Variants in PEX10 observed in about 807,000 individuals in gnomAD.
The protein encoded by PEX10 is peroxisome biogenesis factor 10.
A neutral mutation model predicts 38.0 loss-of-function variants in PEX10; 32 were observed. The observed-to-expected ratio is 0.84, with a 90% CI of 0.63 to 1.13. The LOEUF is 1.13. PEX10 is among the 50% of genes most tolerant of loss of function. The pLI, the probability that PEX10 is intolerant of heterozygous loss-of-function variation, is 0.00. For missense variants in PEX10, 483 were observed against 457.7 expected (o/e 1.06, Z -0.51); for synonymous variants, 206 against 207.3 (o/e 0.99, Z 0.05).
At chr1:2,412,290 G>C (rs976752719) in intron 1 of PEX10, 101 bp downstream of exon 1, 4 of 1,254,082 alleles carry the variant, frequency 3.2e-6, no homozygotes, top group Middle Eastern at 6.3e-4. Flanking sequence ...TGTGGGACGG[G>C]CCCAGGCGAC....
chr1:2,405,848 A>C lies in PEX10; in HGVS notation c.913-14T>G. On this transcript the variant is annotated splice_polypyrimidine_tract_variant and intron_variant, in intron 5 of 5. Coordinates refer to ENST00000447513, the MANE Select transcript of PEX10 (RefSeq NM_002617.4). Reference sequence around the variant, plus strand: ...GGGACACTCCGCCTGCGGAGAGGAGAAAGGGGGTCACAGCAGCTGGGGCCA... The same window carrying C: ...GGGACACTCCGCCTGCGGAGAGGAGCAAGGGGGTCACAGCAGCTGGGGCCA... 2 of 1,580,578 alleles carry C rather than the reference A, an allele frequency of 1.3e-6. No homozygotes were observed. Among genetic ancestry groups the C allele is most frequent in the African/African-American group, 2.7e-5 (2 of 74,240 alleles).
At chr1:2,408,287 C>T (rs1160872043) in intron 3 of PEX10, among the ~76,000 whole-genome samples, 165 bp downstream of exon 3, 1 of 152,182 alleles carries the variant, frequency 6.6e-6, no homozygotes, top group Non-Finnish European at 1.5e-5. Flanking sequence ...ACAAAATCTG[C>T]TTTTTTTCCA....
chr1:2,408,817 C>T lies in PEX10; in HGVS notation c.235G>A (p.Val79Met), dbSNP rs1411024903. The change falls in exon 3 of 6, where the codon GTG becomes ATG. Residue 79 changes from valine (V) to methionine (M), a missense_variant. By Grantham distance (21) the Val-to-Met change is conservative. Coordinates refer to ENST00000447513, the MANE Select transcript of PEX10 (RefSeq NM_002617.4). ...LGEEYVSIIQ[V>M]DPSRIHVPSS... ...GGCACATGTATCCGCGATGGGTCCA[C>T]CTGGATGATGCTGACGTACTCCTCC... 3.7e-6 allele frequency: 6 copies of T among 1,613,952 alleles called. No individual in the cohort carries two copies. The highest frequency in any genetic ancestry group is 3.4e-6 in the Non-Finnish European group (4 of 1,179,968).
chr1:2,411,431 C>G (rs1185752359), intron 1 of PEX10, among the ~76,000 whole-genome samples: 2 of 152,074 alleles, frequency 1.3e-5, no homozygotes, highest in Non-Finnish European at 2.9e-5. Flanking sequence ...CGGGGTTTCA[C>G]CATGTTGTGT....
At chr1:2,413,404 G>A (rs1018840604), upstream of PEX10, among the ~76,000 whole-genome samples, 1 of 152,252 alleles carries the variant, frequency 6.6e-6, no homozygotes, top group African/African-American at 2.4e-5. Flanking sequence ...GAGGCCTGAA[G>A]CACTTGCCAA....
At position 2,409,296 on chromosome 1, in the gene PEX10, C is replaced by T. The variant is rs922035647; in HGVS notation, c.194-438G>A. 1.1e-4 allele frequency among the ~76,000 whole-genome samples: 17 copies of T among 152,172 alleles called. No individual in the cohort carries two copies. Among genetic ancestry groups the T allele is most frequent in the South Asian group, 4.1e-4 (2 of 4,830 alleles). On this transcript the variant is annotated intron_variant, in intron 2 of 5. Transcript: ENST00000447513. The surrounding 1 kb of genome is among the most constrained non-coding windows in gnomAD (Gnocchi z 6.2). ...CTTGTGAGTGCCAGCCATGCAGGTC[C>T]GCCACCTACCTGACATCGCCATGTA...
At position 2,408,500 on chromosome 1, in the gene PEX10, G is replaced by T. The variant is rs1248786760; in HGVS notation, c.552C>A (p.Ile184=). 6.2e-7 allele frequency: 1 copy of T among 1,612,988 alleles called. No individual in the cohort carries two copies. Among genetic ancestry groups the T allele is most frequent in the Non-Finnish European group, 8.5e-7 (1 of 1,180,006 alleles). Residue 184 remains isoleucine (I), a synonymous_variant, in exon 3 of 6, where the codon ATC becomes ATA. Coordinates refer to ENST00000447513, the MANE Select transcript of PEX10 (RefSeq NM_002617.4). ...TGGCCAGGTGGTAGAAGACACCGTG[G>T]ATGTAAAACCAGGCAACATGTAGCC... ...LQRLHVAWFY[I]HGVFYHLAKR...
Position 2,410,718 on chromosome 1 carries a change from C to T in PEX10, c.113-267G>A, listed in dbSNP as rs185014726. 7.0e-5 allele frequency: 39 copies of T among 559,530 alleles called. No homozygotes were observed. The highest frequency in any genetic ancestry group is 6.8e-4 in the Admixed American group (31 of 45,438). 34.7% of individuals were successfully genotyped at this position (559,530 alleles called of 1,614,324 possible). A position where few individuals can be genotyped will look rare whatever the true frequency, so the allele number is the denominator to read the frequency against. ...ATTCCCCTGAGCAACTGTTCTAGGG[C>T]CTATGAGGGCCACATGGAAAGATGG... On this transcript the variant is annotated intron_variant, in intron 1 of 5. Transcript: ENST00000447513. This position sits in a 1 kb window ranked among gnomAD's most constrained non-coding sequence, Gnocchi z 5.1.
At chr1:2,412,795 G>A (rs1281572790), upstream of PEX10, among the ~76,000 whole-genome samples, 1 of 152,056 alleles carries the variant, frequency 6.6e-6, no homozygotes, top group Non-Finnish European at 1.5e-5. Flanking sequence ...ACGCGCGAGG[G>A]GCGCTGGCGA....
chr1:2,411,690 ACCACGT>A (rs1029744774), intron 1 of PEX10, among the ~76,000 whole-genome samples: 3 of 152,010 alleles, frequency 2.0e-5, no homozygotes, highest in African/African-American at 7.2e-5. Flanking sequence ...AGACGCCGCC[ACCACGT>A]CCGGCTAATT....
Position 2,406,791 on chromosome 1 carries a change from C to CT in PEX10, c.704dup (p.Leu236AlafsTer103), listed in dbSNP as rs61750435. 1.4e-4 allele frequency: 225 copies of CT among 1,610,682 alleles called. No individual in the cohort carries two copies. The highest frequency in any genetic ancestry group is 1.9e-4 in the Non-Finnish European group (220 of 1,179,076). ...GCTGCCGCTGCCTGAAACCGTACAG[C>CT]TGCAGCCCCATGGACAGCACCAGGT... is the stretch of plus-strand genomic sequence containing the variant. On this transcript the variant is annotated frameshift_variant, in exon 4 of 6. Transcript: ENST00000447513. LOFTEE classifies it high-confidence loss of function.
At chr1:2,411,439 T>G (rs1643211142) in intron 1 of PEX10, among the ~76,000 whole-genome samples, 2 of 151,876 alleles carry the variant, frequency 1.3e-5, no homozygotes, top group Admixed American at 1.3e-4. Context: ...CACCATGTTG[T>G]GTAGACTGGT....
Position 2,404,373 on chromosome 1 carries a change from T to C in PEX10, c.*1393A>G. ...GTTGAGACACTTGGGATTCTCAGAC[T>C]GTGGACAGGAGTGTTTGTCATTTTT... On this transcript the variant is annotated 3_prime_UTR_variant, in exon 6 of 6. Coordinates refer to ENST00000447513, the MANE Select transcript of PEX10 (RefSeq NM_002617.4). The C allele has an allele frequency of 6.6e-6, 1 of 152,310 alleles. No homozygotes were observed. The highest frequency in any genetic ancestry group is 1.9e-4 in the East Asian group (1 of 5,208). 9.4% of individuals were successfully genotyped at this position (152,310 alleles called of 1,614,324 possible). A position where few individuals can be genotyped will look rare whatever the true frequency, so the allele number is the denominator to read the frequency against.
chr1:2,408,746 C>A lies in PEX10; in HGVS notation c.306G>T (p.Leu102=), dbSNP rs1381528689. The A allele has an allele frequency of 6.2e-7, 1 of 1,613,808 alleles. No homozygotes were observed. The change falls in exon 3 of 6, where the codon CTG becomes CTT. Residue 102 remains leucine (L), a synonymous_variant. Transcript: ENST00000447513. ...RGVLVTLHAV[L]PYLLDKALLP... is the part of the protein sequence containing the mutation. Reference sequence around the variant, plus strand: ...GCAGGGCCTTGTCCAGCAGGTAGGGCAGGACGGCATGCAGTGTCACCAGCA... The same window carrying A: ...GCAGGGCCTTGTCCAGCAGGTAGGGAAGGACGGCATGCAGTGTCACCAGCA...
rs1192678230 is a variant in PEX10 at position 2,407,037 on chromosome 1, G to T, written c.601-142C>A. On this transcript the variant is annotated intron_variant, in intron 3 of 5. Transcript: ENST00000447513. Reference sequence around the variant, plus strand: ...GGCATGGGGAGTGCCCGGCAGAAACGATCAAGCCAGGGGGCAGGTTCAGGG... The same window carrying T: ...GGCATGGGGAGTGCCCGGCAGAAACTATCAAGCCAGGGGGCAGGTTCAGGG... The T allele has an allele frequency of 3.3e-6, 4 of 1,198,734 alleles. No individual in the cohort carries two copies. The Admixed American group carries it at 7.9e-5, about 24-fold the overall frequency. The allele number at this position is 1,198,734 out of a possible 1,614,324, so 74.3% of individuals were successfully genotyped here.
chr1:2,405,899 A>G (rs1642984213), intron 5 of PEX10, 65 bp from the exon 6 acceptor site: 4 of 1,280,554 alleles, frequency 3.1e-6, no homozygotes, highest in Middle Eastern at 2.2e-4. Context: ...CCCCATCGGC[A>G]TTTCTTTTCC....
chr1:2,410,312 G>A lies in PEX10; in HGVS notation c.193+59C>T, dbSNP rs376017092. On this transcript the variant is annotated intron_variant, in intron 2 of 5. Transcript: ENST00000447513. The surrounding 1 kb of genome is among the most constrained non-coding windows in gnomAD (Gnocchi z 5.1). The stretch of plus-strand genomic sequence containing the variant: ...ACTGCCTGGCAGCCCCCTGGCCACC[G>A]TCCCCAGACTTGGTGTGTGTGGCTG... 16 of 1,462,610 alleles carry A rather than the reference G, an allele frequency of 1.1e-5. No homozygotes were observed. The highest frequency in any genetic ancestry group is 9.1e-5 in the East Asian group (4 of 44,098). 90.6% of individuals were successfully genotyped at this position (1,462,610 alleles called of 1,614,324 possible).
chr1:2,406,367 T>C, intron 5 of PEX10, 117 bp downstream of exon 5: 1 of 1,391,276 alleles, frequency 7.2e-7, no homozygotes, highest in South Asian at 1.2e-5. Context: ...TGCCCACCTC[T>C]GTACCCTCAA....
rs1459963894 is a variant in PEX10, at chr1:2,412,530, GC to G, written c.-29del. ...CCGCGGGTTCGGGTGGTCCCGAGCA[GC>G]CACGCCGGCCACGCCCACGCCCAGA... is the stretch of plus-strand genomic sequence containing the variant. On this transcript the variant is annotated 5_prime_UTR_variant, in exon 1 of 6. Transcript: ENST00000447513. The G allele has an allele frequency of 3.1e-6, 4 of 1,302,296 alleles. No homozygotes were observed. The highest frequency in any genetic ancestry group is 1.6e-5 in the African/African-American group (1 of 64,148). 80.7% of individuals were successfully genotyped at this position (1,302,296 alleles called of 1,614,324 possible). A position where few individuals can be genotyped will look rare whatever the true frequency, so the allele number is the denominator to read the frequency against.
Sources: allele counts gnomAD v4.1 joint callset (sites outside exome capture counted in the v4.1 genomes callset), GRCh38; gene constraint gnomAD v4.1.1; non-coding constraint Gnocchi (gnomAD v3.1); transcripts MANE v1.5; gene names NCBI Gene and HGNC (gene_info 2026-07-23, HGNC 2026-07-21).